MYOM1: variants seen among roughly 807,000 people sequenced by gnomAD.
MYOM1 encodes myomesin 1.
MYOM1 carries 164 observed loss-of-function variants against 205.3 expected under a neutral mutation model. The observed-to-expected ratio is 0.80, with a 90% CI of 0.70 to 0.91. The LOEUF (loss-of-function observed/expected upper bound fraction) is 0.91, where lower values mean the gene tolerates loss of function less well. Ranked by LOEUF, MYOM1 falls within the 40% of genes least tolerant of loss-of-function variation. The pLI is 0.00. For missense variants in MYOM1, 2,011 were observed against 2,127.3 expected (o/e 0.95, Z 1.08); for synonymous variants, 772 against 789.4 (o/e 0.98, Z 0.37).
upstream of MYOM1, among the ~76,000 whole-genome samples, chr18:3,223,189 C>CA (rs2081339074): frequency 6.6e-6 from 1 of 152,156 alleles, no homozygotes; most frequent in Admixed American, 6.5e-5. Context: ...CTGTAAATCT[C>CA]AATTTCTTAA....
At chr18:3,101,636 A>G (rs1395203254) in intron 23 of MYOM1, among the ~76,000 whole-genome samples, 1 of 152,182 alleles carries the variant, frequency 6.6e-6, no homozygotes, top group East Asian at 1.9e-4. Flanking sequence ...ATTATCCTCA[A>G]TCCATTTAAT....
At chr18:3,098,340 C>G (rs547362772) in intron 25 of MYOM1, among the ~76,000 whole-genome samples, 1 of 151,914 alleles carries the variant, frequency 6.6e-6, no homozygotes, top group African/African-American at 2.4e-5. Flanking sequence ...TGCAGTGGCA[C>G]GATCTCGGCT....
At chr18:3,241,747 A>G in the MYOM1 span, among the ~76,000 whole-genome samples, 12 of 152,262 alleles carry the variant, frequency 7.9e-5, no homozygotes, top group East Asian at 2.3e-3. Context: ...AGCAACAGAC[A>G]CTCAGCGTCA....
intron 13 of MYOM1, among the ~76,000 whole-genome samples, chr18:3,147,420 G>C (rs959614518): frequency 6.6e-6 from 1 of 151,904 alleles, no homozygotes; most frequent in Non-Finnish European, 1.5e-5. Flanking sequence ...TAAATCAAAG[G>C]ACTCAATGCT....
chr18:3,205,800 T>A (rs780417724), intron 2 of MYOM1, among the ~76,000 whole-genome samples: 4 of 152,208 alleles, frequency 2.6e-5, no homozygotes, highest in Non-Finnish European at 5.9e-5. Flanking sequence ...CACGTTATAA[T>A]ACCACTGAAA....
the MYOM1 span, among the ~76,000 whole-genome samples, chr18:3,230,171 T>A: frequency 6.6e-6 from 1 of 152,188 alleles, no homozygotes; most frequent in African/African-American, 2.4e-5. Context: ...TACCATTATT[T>A]GAGACCTATT....
chr18:3,114,870 G>T (rs781137325), intron 21 of MYOM1, among the ~76,000 whole-genome samples: 1 of 151,844 alleles, frequency 6.6e-6, no homozygotes, highest in Non-Finnish European at 1.5e-5. Flanking sequence ...TTCTCTCTCT[G>T]TCTCTCTGTT....
intron 16 of MYOM1, among the ~76,000 whole-genome samples, chr18:3,133,037 G>A (rs2079900798): frequency 1.3e-5 from 2 of 151,906 alleles, no homozygotes; most frequent in East Asian, 1.9e-4. Context: ...TTGGGGTCTC[G>A]GTGTTCCAGA....
intron 33 of MYOM1, among the ~76,000 whole-genome samples, chr18:3,081,538 A>T (rs1598651958): frequency 6.6e-6 from 1 of 152,236 alleles, no homozygotes; most frequent in Admixed American, 6.5e-5. Context: ...TCCTCAAAAC[A>T]TACTTTCAGT....
intron 17 of MYOM1, among the ~76,000 whole-genome samples, chr18:3,129,759 C>T (rs1055884541): frequency 6.6e-6 from 1 of 152,014 alleles, no homozygotes; most frequent in Non-Finnish European, 1.5e-5. Context: ...ACAAAGAAGC[C>T]AAAGATAGAA....
chr18:3,105,382 T>C (rs946811373), intron 22 of MYOM1, among the ~76,000 whole-genome samples: 1 of 152,242 alleles, frequency 6.6e-6, no homozygotes, highest in Non-Finnish European at 1.5e-5. Flanking sequence ...AAAGCTCTTA[T>C]TGAATTGCAT....
intron 34 of MYOM1, among the ~76,000 whole-genome samples, chr18:3,077,577 G>A (rs1479560965): frequency 1.3e-5 from 2 of 152,176 alleles, no homozygotes; most frequent in Non-Finnish European, 2.9e-5. Context: ...TGACAGAGAG[G>A]TGGGAATGGC....
rs756839782 is a variant in MYOM1 at position 3,176,055 on chromosome 18, G to C, written c.1009C>G (p.Leu337Val). The C allele has an allele frequency of 5.7e-6, 9 of 1,589,338 alleles. No homozygotes were observed. The highest frequency in any genetic ancestry group is 7.8e-6 in the Non-Finnish European group (9 of 1,157,660). ...IIESRYGMHTLEINGCDFEDT... is the reference protein window; with the variant it reads ...IIESRYGMHTVEINGCDFEDT... ...ATGTTCTCTTACCCATTAATCTCCA[G>C]AGTGTGCATCCCATATCGACTCTCA... The change falls in exon 6 of 38, where the codon CTG (leucine) becomes GTG (valine). Residue 337 changes from leucine (L) to valine (V), a missense_variant. By Grantham distance (32) the Leu-to-Val change is conservative (BLOSUM62 1). Coordinates refer to ENST00000356443, the MANE Select transcript of MYOM1 (RefSeq NM_003803.4).
In MYOM1 at chr18:3,215,060, C is replaced by G; in HGVS notation, c.164G>C (p.Arg55Pro). The G allele has an allele frequency of 6.2e-7, 1 of 1,613,378 alleles. No individual in the cohort carries two copies. Among genetic ancestry groups the G allele is most frequent in the Non-Finnish European group, 8.5e-7 (1 of 1,179,752 alleles). Residue 55 changes from arginine to proline, a missense_variant, in exon 2 of 38, where the codon CGC becomes CCC. Transcript: ENST00000356443. ...CCGACGGAAGGCCTCGGACTCCCGGCGGTGCGCGGCGGAGGAGCGGCTGCT... is the reference window on the plus strand; with the variant it reads ...CCGACGGAAGGCCTCGGACTCCCGGGGGTGCGCGGCGGAGGAGCGGCTGCT... ...AYSSRSSAAH[R>P]RESEAFRRAS...
chr18:3,129,282 G>T lies in MYOM1; in HGVS notation c.2744C>A (p.Ala915Asp). The stretch of plus-strand genomic sequence containing the variant: ...GTCAGACTTACTTTTCCCCTGAGGA[G>T]CCGCTTTCTGTGGTGGCGGGGTAAG... ...EELTPPPQKAAPQGKSKSDPL... is the reference protein window; with the variant it reads ...EELTPPPQKADPQGKSKSDPL... Residue 915 changes from alanine (A) to aspartate (D), a missense_variant, in exon 18 of 38, where the codon GCT (alanine) becomes GAT (aspartate). By Grantham distance (126) the Ala-to-Asp change is moderately radical. Coordinates refer to ENST00000356443, the MANE Select transcript of MYOM1 (RefSeq NM_003803.4). 1.2e-6 allele frequency: 2 copies of T among 1,613,984 alleles called. No individual in the cohort carries two copies. Among genetic ancestry groups the T allele is most frequent in the Non-Finnish European group, 1.7e-6 (2 of 1,179,864 alleles).
chr18:3,229,998 AAG>A, the MYOM1 span, among the ~76,000 whole-genome samples: 14 of 150,148 alleles, frequency 9.3e-5, no homozygotes, highest in Non-Finnish European at 1.5e-4. Flanking sequence ...AAAAAAAAAA[AAG>A]AAGTGAGATA....
At chr18:3,194,845 A>G (rs1478745149) in intron 2 of MYOM1, among the ~76,000 whole-genome samples, 2 of 152,026 alleles carry the variant, frequency 1.3e-5, no homozygotes, top group Non-Finnish European at 2.9e-5. Context: ...TGTTAACAAT[A>G]GGGATCTGTA....
chr18:3,100,227 T>C, intron 24 of MYOM1, 24 bp from the exon 25 acceptor site: 1 of 1,613,892 alleles, frequency 6.2e-7, no homozygotes, highest in Non-Finnish European at 8.5e-7. Flanking sequence ...AAGAAGGCAG[T>C]TAAACCTTAA....
At chr18:3,094,403 TG>T (rs2079271864) in intron 25 of MYOM1, 97 bp from the exon 26 acceptor site, 2 of 1,202,638 alleles carry the variant, frequency 1.7e-6, no homozygotes, top group East Asian at 5.1e-5. Context: ...AACCACACAA[TG>T]GAAATGACAA....
Sources: gnomAD v4.1 joint callset for allele counts (sites outside exome capture counted in the v4.1 genomes callset) on GRCh38, gnomAD v4.1.1 for gene constraint, MANE v1.5 for transcripts, NCBI Gene and HGNC (gene_info 2026-07-23, HGNC 2026-07-21) for gene names.